CEP290: variants seen among roughly 807,000 people sequenced by gnomAD.
CEP290 encodes centrosomal protein 290.
Under a neutral mutation model 344.9 loss-of-function variants are expected in CEP290, and 317 were observed. The ratio of observed to expected loss-of-function variants is 0.92; its 90% CI spans 0.84 to 1.01. The LOEUF is 1.01. Among genes scored for constraint, CEP290 ranks in the 50% least tolerant of loss-of-function variants. The probability of loss-of-function intolerance (pLI) is 0.00; values close to 1 mark genes in which losing one functional copy is unlikely to be tolerated. For missense variants in CEP290, 2,754 were observed against 2,761.4 expected (o/e 1.00, Z 0.06); for synonymous variants, 932 against 895.8 (o/e 1.04, Z -0.72).
rs761567170 is a variant in CEP290 at position 88,079,249 on chromosome 12, A to T, written c.5227-20T>A. 6.4e-7 allele frequency: 1 copy of T among 1,562,528 alleles called. No individual in the cohort carries two copies. Among genetic ancestry groups the T allele is most frequent in the African/African-American group, 1.4e-5 (1 of 71,822 alleles). ...AAGTGCCTAAAAATTAACCAAAAAA[A>T]AAATGTAATTTTTAAAGGAAAACTG... On this transcript the variant is annotated intron_variant, in intron 38 of 53. Coordinates refer to ENST00000552810, the MANE Select transcript of CEP290 (RefSeq NM_025114.4).
chr12:88,109,072 T>A lies in CEP290; in HGVS notation c.2477A>T (p.Tyr826Phe). The change falls in exon 23 of 54, where the codon TAC (tyrosine) becomes TTC (phenylalanine). Residue 826 changes from tyrosine to phenylalanine, a missense_variant. Coordinates refer to ENST00000552810, the MANE Select transcript of CEP290 (RefSeq NM_025114.4). ...GTTTTGCTAATACCTATACCTTAGGTATTCTTTATACAACAAACTTTGTTG... is the reference window on the plus strand; with the variant it reads ...GTTTTGCTAATACCTATACCTTAGGAATTCTTTATACAACAAACTTTGTTG... ...RHQQSLLYKE[Y>F]LSEKETWKTE... 1 of 1,221,382 alleles carries A rather than the reference T, an allele frequency of 8.2e-7. No homozygotes were observed. Among genetic ancestry groups the A allele is most frequent in the South Asian group, 1.6e-5 (1 of 62,746 alleles). The allele number at this position is 1,221,382 out of a possible 1,614,324, so 75.7% of individuals were successfully genotyped here. A position where few individuals can be genotyped will look rare whatever the true frequency, so the allele number is the denominator to read the frequency against.
intron 39 of CEP290, among the ~76,000 whole-genome samples, 193 bp downstream of exon 39, chr12:88,078,899 C>T (rs1219963892): frequency 6.6e-6 from 1 of 151,968 alleles, no homozygotes; most frequent in East Asian, 1.9e-4. Context: ...TCCTAATCCC[C>T]AAGATGATAA....
Position 88,071,445 on chromosome 12 carries a change from C to G in CEP290, c.5860G>C (p.Asp1954His). Residue 1954 changes from aspartate to histidine, a missense_variant, in exon 43 of 54, where the codon GAT becomes CAT. Asp to His is a moderately conservative substitution (Grantham distance 81). Transcript: ENST00000552810. Reference protein sequence around the residue: ...NTLKDLFAKADKEKLTLQRKL... With the variant: ...NTLKDLFAKAHKEKLTLQRKL... ...CTCTGCAAAGTAAGTTTCTCTTTAT[C>G]GGCTCTGTGGAATTTAATATAGAAT... 1 of 1,602,886 alleles carries G rather than the reference C, an allele frequency of 6.2e-7. No homozygotes were observed. The highest frequency in any genetic ancestry group is 8.5e-7 in the Non-Finnish European group (1 of 1,176,656).
chr12:88,113,115 G>A (rs373504872), intron 20 of CEP290, among the ~76,000 whole-genome samples: 126 of 152,144 alleles, frequency 8.3e-4, no homozygotes, highest in Middle Eastern at 3.4e-3. Context: ...TGACAATCCC[G>A]GATAAAAGTA....
At chr12:88,076,028 A>C (rs1280693597) in intron 41 of CEP290, among the ~76,000 whole-genome samples, 1 of 152,212 alleles carries the variant, frequency 6.6e-6, no homozygotes, top group Non-Finnish European at 1.5e-5. Flanking sequence ...AAGGCTCTTA[A>C]AACATTCTGA....
chr12:88,071,058 A>G (rs1168281347), intron 43 of CEP290, among the ~76,000 whole-genome samples: 1 of 152,182 alleles, frequency 6.6e-6, no homozygotes, highest in Non-Finnish European at 1.5e-5. Flanking sequence ...CTAAAACAAA[A>G]GTATCTACAT....
intron 5 of CEP290, 143 bp from the exon 6 acceptor site, chr12:88,136,929 C>A (rs2040384604): frequency 1.6e-6 from 1 of 635,144 alleles, no homozygotes; most frequent in Non-Finnish European, 2.5e-6. Flanking sequence ...AGCTTAAGAA[C>A]TTTTTTTTTT....
At chr12:88,055,746 C>T (rs2033949185) in intron 49 of CEP290, 29 bp from the exon 50 acceptor site, 1 of 1,390,462 alleles carries the variant, frequency 7.2e-7, no homozygotes, top group East Asian at 2.6e-5. Flanking sequence ...AAAGTATAGA[C>T]ATGGCAAATA....
intron 37 of CEP290, among the ~76,000 whole-genome samples, chr12:88,080,974 T>C (rs2036158239): frequency 6.6e-6 from 1 of 152,202 alleles, no homozygotes; most frequent in Non-Finnish European, 1.5e-5. Flanking sequence ...TAGTCAAATA[T>C]ACAGAGAATG....
At chr12:88,095,703 T>C (rs1292176217) in intron 27 of CEP290, among the ~76,000 whole-genome samples, 1 of 152,176 alleles carries the variant, frequency 6.6e-6, no homozygotes, top group African/African-American at 2.4e-5. Flanking sequence ...AACAGCTCTA[T>C]TTAGTAATAA....
Position 88,080,175 on chromosome 12 carries a change from T to TCC in CEP290, c.5226+6_5226+7insGG. On this transcript the variant is annotated splice_region_variant and intron_variant, in intron 38 of 53. Transcript: ENST00000552810. The stretch of plus-strand genomic sequence containing the variant: ...CTAAATGTTGATAATTTTCTGTTGT[T>TCC]ACTTACTTTCTGTTGTTTCTCCTTC... 2.5e-6 allele frequency: 4 copies of TCC among 1,568,660 alleles called. No individual in the cohort carries two copies. The Admixed American group carries it at 7.4e-5, about 29-fold the overall frequency.
rs2037480406 is a variant in CEP290 at position 88,097,001 on chromosome 12, T to G, written c.2992-2A>C. On this transcript the variant is annotated splice_acceptor_variant, in intron 26 of 53. Transcript: ENST00000552810. LOFTEE classifies it high-confidence loss of function. ...TTCTTTTAAGGAGATGTTTTCACAC[T>G]GAATAAAGGAAAAATATCACTAAGA... 2.8e-6 allele frequency: 4 copies of G among 1,422,678 alleles called. No homozygotes were observed. Among genetic ancestry groups the G allele is most frequent in the Non-Finnish European group, 1.9e-6 (2 of 1,035,644 alleles). The allele number at this position is 1,422,678 out of a possible 1,614,324, so 88.1% of individuals were successfully genotyped here.
At chr12:88,109,466 A>G (rs2038524012) in intron 22 of CEP290, among the ~76,000 whole-genome samples, 1 of 152,226 alleles carries the variant, frequency 6.6e-6, no homozygotes, top group African/African-American at 2.4e-5. Context: ...ACTCGGCCAC[A>G]TACCCTCTCT....
At chr12:88,113,735 T>C (rs1273771674) in intron 20 of CEP290, among the ~76,000 whole-genome samples, 1 of 151,918 alleles carries the variant, frequency 6.6e-6, no homozygotes, top group East Asian at 1.9e-4. Context: ...AGTCCCTATA[T>C]GGTAAATATA....
At chr12:88,087,719 C>CAAAAG in intron 32 of CEP290, 61 bp downstream of exon 32, 1 of 124,712 alleles carries the variant, frequency 8.0e-6, no homozygotes, top group Non-Finnish European at 1.1e-5. Flanking sequence ...GACTCCATCT[C>CAAAAG]AAAAAAAAAA....
chr12:88,074,950 T>C (rs1318736358), intron 41 of CEP290, among the ~76,000 whole-genome samples: 1 of 152,092 alleles, frequency 6.6e-6, no homozygotes, highest in Non-Finnish European at 1.5e-5. Context: ...TATAAACTGG[T>C]AAATGTAAGT....
chr12:88,056,991 C>G (rs2034062002), intron 49 of CEP290, among the ~76,000 whole-genome samples: 1 of 152,140 alleles, frequency 6.6e-6, no homozygotes, highest in Admixed American at 6.5e-5. Context: ...TCTGCAATGT[C>G]TTCTGCAAAT....
Position 88,083,932 on chromosome 12 carries a change from T to G in CEP290, c.4727A>C (p.Lys1576Thr). ...AAGAATATGAAGGTCTTCCTCATGT[T>G]TCTTCACAATTTCTCTTTGCTCCTG... ...AREEQREIVK[K>T]HEEDLHILHH... is the part of the protein sequence containing the mutation. The change falls in exon 36 of 54, where the codon AAA becomes ACA. Residue 1576 changes from lysine to threonine, a missense_variant. Transcript: ENST00000552810. The G allele has an allele frequency of 5.7e-6, 9 of 1,592,260 alleles. No homozygotes were observed. The highest frequency in any genetic ancestry group is 7.7e-6 in the Non-Finnish European group (9 of 1,167,768).
At chr12:88,136,176 T>A (rs886630376) in intron 6 of CEP290, 7 of 157,240 alleles carry the variant, frequency 4.5e-5, no homozygotes, top group African/African-American at 1.7e-4. Flanking sequence ...ATATCTCACA[T>A]AAAATAAGGT....
Sources: gnomAD v4.1 joint callset for allele counts (sites outside exome capture counted in the v4.1 genomes callset) on GRCh38, gnomAD v4.1.1 for gene constraint, MANE v1.5 for transcripts, NCBI Gene and HGNC (gene_info 2026-07-23, HGNC 2026-07-21) for gene names.